Variants in CCDC148 observed in about 807,000 individuals in gnomAD.
The protein encoded by CCDC148 is coiled-coil domain containing 148.
CCDC148 carries 89 observed loss-of-function variants against 85.7 expected under a neutral mutation model. That is an observed-to-expected ratio of 1.04 (90% confidence interval 0.87 to 1.24). CCDC148 has a LOEUF of 1.24. CCDC148 is among the 50% of genes most tolerant of loss of function. CCDC148 has a pLI of 0.00. For missense variants in CCDC148, 692 were observed against 671.7 expected, an observed-to-expected ratio of 1.03 and a Z score of -0.33; for synonymous variants, 230 against 213.9, an observed-to-expected ratio of 1.08 and a Z score of -0.66.
At chr2:158,285,184 A>C (rs1690558700) in intron 9 of CCDC148, among the ~76,000 whole-genome samples, 2 of 151,748 alleles carry the variant, frequency 1.3e-5, no homozygotes, top group South Asian at 4.2e-4. Flanking sequence ...GCAACTCAGG[A>C]GACTGAGGCA....
intron 9 of CCDC148, among the ~76,000 whole-genome samples, chr2:158,282,475 A>G (rs1263246129): frequency 1.3e-5 from 2 of 152,208 alleles, no homozygotes; most frequent in Non-Finnish European, 2.9e-5. Flanking sequence ...GCATTCCCAT[A>G]CACCAATAAC....
chr2:158,299,173 T>C (rs897583357), intron 9 of CCDC148, among the ~76,000 whole-genome samples: 1 of 152,142 alleles, frequency 6.6e-6, no homozygotes, highest in Non-Finnish European at 1.5e-5. Context: ...TTCACCAAGA[T>C]TTCTCTACTT....
At chr2:158,224,753 T>C (rs1292488496) in intron 10 of CCDC148, among the ~76,000 whole-genome samples, 1 of 152,174 alleles carries the variant, frequency 6.6e-6, no homozygotes, top group Non-Finnish European at 1.5e-5. Context: ...AAGCAAATGC[T>C]GAGAGATTTT....
chr2:158,321,743 T>A (rs1448392932), intron 7 of CCDC148, among the ~76,000 whole-genome samples: 1 of 152,224 alleles, frequency 6.6e-6, no homozygotes, highest in African/African-American at 2.4e-5. Context: ...CCACACAGTG[T>A]TTCTTGAGTG....
chr2:158,425,414 T>C (rs374781101), intron 1 of CCDC148: 23 of 361,466 alleles, frequency 6.4e-5, no homozygotes, highest in African/African-American at 4.4e-4. Flanking sequence ...TGTAAAAGAC[T>C]TTCTAGTGTA....
intron 2 of CCDC148, among the ~76,000 whole-genome samples, chr2:158,350,774 G>C (rs1225460410): frequency 6.6e-6 from 1 of 151,900 alleles, no homozygotes; most frequent in African/African-American, 2.4e-5. Flanking sequence ...TATTGTAATT[G>C]TGCATATTTA....
At chr2:158,323,577 T>G (rs984410472) in intron 7 of CCDC148, among the ~76,000 whole-genome samples, 1 of 152,212 alleles carries the variant, frequency 6.6e-6, no homozygotes, top group South Asian at 2.1e-4. Flanking sequence ...CTGGCATGTG[T>G]ACATTCTTGA....
intron 9 of CCDC148, among the ~76,000 whole-genome samples, chr2:158,259,424 C>T (rs996040415): frequency 3.1e-4 from 47 of 151,850 alleles, no homozygotes; most frequent in African/African-American, 1.1e-3. Flanking sequence ...CTGATAGATG[C>T]TCAATAGATA....
At chr2:158,225,560 G>A (rs992844086) in intron 10 of CCDC148, among the ~76,000 whole-genome samples, 8 of 152,158 alleles carry the variant, frequency 5.3e-5, no homozygotes, top group African/African-American at 1.9e-4. Flanking sequence ...TGGAAGTAAA[G>A]CACTCCTCAG....
intron 1 of CCDC148, among the ~76,000 whole-genome samples, chr2:158,415,460 A>G (rs1298353335): frequency 2.0e-5 from 3 of 151,386 alleles, no homozygotes; most frequent in Non-Finnish European, 2.9e-5. Context: ...AAACCATAAC[A>G]TTCTCCCCTG....
intron 9 of CCDC148, among the ~76,000 whole-genome samples, chr2:158,283,672 T>G (rs1224205733): frequency 2.0e-5 from 3 of 151,820 alleles, no homozygotes; most frequent in Non-Finnish European, 2.9e-5. Flanking sequence ...TTTTACACTG[T>G]TGGTGGGACT....
rs867781637 is a variant in CCDC148, at chr2:158,182,986, C to T, written c.1371-3990G>A. 2.0e-5 allele frequency among the ~76,000 whole-genome samples: 3 copies of T among 152,236 alleles called. No individual in the cohort carries two copies. In the South Asian group the frequency reaches 6.2e-4, roughly 32 times the overall value. On this transcript the variant is annotated intron_variant, in intron 11 of 13. Coordinates refer to ENST00000283233, the MANE Select transcript of CCDC148 (RefSeq NM_138803.4). ...CAAATTAAACTGTTGCTATGAAAGT[C>T]AATGTCAGGAAGTGGCTAAACTCAA...
intron 1 of CCDC148, among the ~76,000 whole-genome samples, chr2:158,403,185 C>CT (rs888419515): frequency 1.4e-4 from 21 of 148,634 alleles, no homozygotes; most frequent in Admixed American, 4.0e-4. Context: ...ATATTTTTTT[C>CT]TTTTTTTTTT....
rs375004165 is a variant in CCDC148 at position 158,349,015 on chromosome 2, T to C, written c.148-3697A>G. Among the ~76,000 whole-genome samples the C allele has an allele frequency of 6.6e-5, 10 of 152,192 alleles. No homozygotes were observed. In the South Asian group the frequency reaches 2.1e-3, roughly 32 times the overall value. ...TTGTCTTCAGGTTCAATCTCAGCCT[T>C]TGAAAGACTAGATCACTGACTGTCC... is the stretch of plus-strand genomic sequence containing the variant. On this transcript the variant is annotated intron_variant, in intron 2 of 13. Transcript: ENST00000283233.
At chr2:158,387,163 C>G (rs1226659553) in intron 1 of CCDC148, among the ~76,000 whole-genome samples, 1 of 152,000 alleles carries the variant, frequency 6.6e-6, no homozygotes, top group African/African-American at 2.4e-5. Flanking sequence ...GCTCTGGTTC[C>G]TTGGAGAATG....
intron 9 of CCDC148, among the ~76,000 whole-genome samples, chr2:158,264,612 G>A (rs968121191): frequency 7.2e-5 from 11 of 151,912 alleles, no homozygotes; most frequent in African/African-American, 2.4e-4. Flanking sequence ...GGGAGGGGAG[G>A]CAAAGGATAA....
intron 1 of CCDC148, among the ~76,000 whole-genome samples, chr2:158,360,467 A>G (rs1454720841): frequency 1.3e-5 from 2 of 152,176 alleles, no homozygotes; most frequent in Non-Finnish European, 1.5e-5. Context: ...CAAAGCTTCC[A>G]GAGGAAGGAA....
chr2:158,324,686 C>T (rs1046946022), intron 7 of CCDC148, among the ~76,000 whole-genome samples: 3 of 152,060 alleles, frequency 2.0e-5, no homozygotes, highest in Non-Finnish European at 2.9e-5. Flanking sequence ...TATTAAAATG[C>T]TCATTTCTCC....
At chr2:158,402,365 G>A (rs1481803644) in intron 1 of CCDC148, among the ~76,000 whole-genome samples, 1 of 151,422 alleles carries the variant, frequency 6.6e-6, no homozygotes, top group African/African-American at 2.4e-5. Context: ...ATATGATTAA[G>A]GAAGTTTGTG....
Sources: gnomAD v4.1 joint callset for allele counts (sites outside exome capture counted in the v4.1 genomes callset) on GRCh38, gnomAD v4.1.1 for gene constraint, MANE v1.5 for transcripts, NCBI Gene and HGNC (gene_info 2026-07-23, HGNC 2026-07-21) for gene names.